GALNT13: variants seen among roughly 807,000 people sequenced by gnomAD.
GALNT13 encodes the protein polypeptide N-acetylgalactosaminyltransferase 13.
GALNT13 carries 28 observed loss-of-function variants against 64.2 expected under a neutral mutation model. The ratio of observed to expected loss-of-function variants is 0.44; its 90% CI spans 0.32 to 0.60. The LOEUF (loss-of-function observed/expected upper bound fraction) is 0.60, where lower values mean the gene tolerates loss of function less well. Ranked by LOEUF, GALNT13 falls within the 20% of genes least tolerant of loss-of-function variation. GALNT13 has a pLI of 0.05. For missense variants in GALNT13, 577 were observed against 669.8 expected (o/e 0.86, Z 1.53); for synonymous variants, 214 against 224.6 (o/e 0.95, Z 0.42).
At chr2:153,389,773 G>A in the GALNT13 span, among the ~76,000 whole-genome samples, 15 of 152,074 alleles carry the variant, frequency 9.9e-5, no homozygotes, top group African/African-American at 3.6e-4. Context: ...TGGGCTAGAG[G>A]CGAATACCTG....
At chr2:153,251,338 T>C in the GALNT13 span, among the ~76,000 whole-genome samples, 1 of 152,246 alleles carries the variant, frequency 6.6e-6, no homozygotes, top group African/African-American at 2.4e-5. Context: ...TTGTCAATTG[T>C]GTCTTTATCT....
At chr2:153,814,356 C>T in the GALNT13 span, among the ~76,000 whole-genome samples, 1 of 152,156 alleles carries the variant, frequency 6.6e-6, no homozygotes, top group African/African-American at 2.4e-5. Context: ...AGGAGAATGG[C>T]GTGAACCCGG....
intron 4 of GALNT13, among the ~76,000 whole-genome samples, chr2:154,233,806 A>T (rs1689053736): frequency 6.6e-6 from 1 of 152,154 alleles, no homozygotes; most frequent in Non-Finnish European, 1.5e-5. Context: ...GGACGGTCCC[A>T]GTTGTGCTTA....
chr2:153,752,149 T>G, the GALNT13 span, among the ~76,000 whole-genome samples: 1 of 151,992 alleles, frequency 6.6e-6, no homozygotes. Context: ...TGCTTTTAAA[T>G]TATTGTTATT....
At chr2:153,737,487 T>C in the GALNT13 span, among the ~76,000 whole-genome samples, 1 of 152,156 alleles carries the variant, frequency 6.6e-6, no homozygotes, top group Non-Finnish European at 1.5e-5. Context: ...ATTTTCATTG[T>C]GTAACATATA....
chr2:153,254,223 C>G, the GALNT13 span, among the ~76,000 whole-genome samples: 2 of 152,252 alleles, frequency 1.3e-5, no homozygotes, highest in African/African-American at 4.8e-5. Context: ...AGGAATTTAT[C>G]CATTTCTTCT....
intron 1 of GALNT13, among the ~76,000 whole-genome samples, chr2:153,895,946 T>C (rs570445399): frequency 6.6e-6 from 1 of 150,928 alleles, no homozygotes; most frequent in East Asian, 2.0e-4. Context: ...TAAAAAAAGA[T>C]ATTGTCACAC....
At chr2:154,179,305 TACTC>T (rs755973547) in intron 4 of GALNT13, among the ~76,000 whole-genome samples, 16 of 152,182 alleles carry the variant, frequency 1.1e-4, no homozygotes, top group Non-Finnish European at 1.9e-4. Flanking sequence ...ATATAGTAAA[TACTC>T]AATAAGTATT....
At chr2:153,972,216 A>G (rs941881203) in intron 3 of GALNT13, among the ~76,000 whole-genome samples, 1 of 152,056 alleles carries the variant, frequency 6.6e-6, no homozygotes, top group African/African-American at 2.4e-5. Context: ...AGTTTGTGGT[A>G]ATTTGTTTTG....
At chr2:153,932,691 A>C (rs1268518470) in intron 2 of GALNT13, among the ~76,000 whole-genome samples, 3 of 141,926 alleles carry the variant, frequency 2.1e-5, no homozygotes, top group Non-Finnish European at 3.0e-5. Context: ...GCAATGGTGC[A>C]ATCTTGGCTC....
chr2:153,161,862 C>G, the GALNT13 span, among the ~76,000 whole-genome samples: 1 of 152,116 alleles, frequency 6.6e-6, no homozygotes, highest in African/African-American at 2.4e-5. Context: ...GTTTCAACAC[C>G]TAACAAGGGT....
At chr2:153,640,781 A>G in the GALNT13 span, among the ~76,000 whole-genome samples, 2 of 152,070 alleles carry the variant, frequency 1.3e-5, no homozygotes, top group Admixed American at 6.6e-5. Context: ...GACTGTCCCA[A>G]AAAAAGTTTG....
At chr2:154,161,904 C>G (rs2105667596) in intron 4 of GALNT13, among the ~76,000 whole-genome samples, 1 of 152,050 alleles carries the variant, frequency 6.6e-6, no homozygotes, top group Middle Eastern at 3.4e-3. Flanking sequence ...CCTCAGCCAC[C>G]CGAGTAGCTG....
intron 9 of GALNT13, among the ~76,000 whole-genome samples, chr2:154,387,460 A>G (rs182617605): frequency 6.6e-6 from 1 of 152,234 alleles, no homozygotes; most frequent in African/African-American, 2.4e-5. Flanking sequence ...TGTCCTAGTT[A>G]TTTGAAAATA....
chr2:153,957,918 C>G (rs1421456368), intron 3 of GALNT13, among the ~76,000 whole-genome samples: 1 of 152,166 alleles, frequency 6.6e-6, no homozygotes, highest in Non-Finnish European at 1.5e-5. Context: ...GTCAACTTAA[C>G]AAACTCCTCT....
At chr2:153,486,969 C>T in the GALNT13 span, among the ~76,000 whole-genome samples, 1 of 152,164 alleles carries the variant, frequency 6.6e-6, no homozygotes, top group South Asian at 2.1e-4. Context: ...TGCAAGGAGG[C>T]ACAAAAGTTG....
chr2:153,484,482 A>G, the GALNT13 span, among the ~76,000 whole-genome samples: 1 of 152,234 alleles, frequency 6.6e-6, no homozygotes, highest in East Asian at 1.9e-4. Context: ...GAGTTTACAA[A>G]TTGAAATTTT....
the GALNT13 span, among the ~76,000 whole-genome samples, chr2:153,345,702 T>C: frequency 2.4e-5 from 3 of 125,746 alleles, no homozygotes; most frequent in African/African-American, 5.9e-5. Context: ...TTTCTTTCTT[T>C]CTCTTTCTCT....
the GALNT13 span, among the ~76,000 whole-genome samples, chr2:153,411,177 A>AT: frequency 0.16 from 17,437 of 112,252 alleles, 1,292 homozygotes; most frequent in Non-Finnish European, 0.2. Flanking sequence ...ATATATATAT[A>AT]TATTTTTTTT....
Sources: gnomAD v4.1 joint callset for allele counts (sites outside exome capture counted in the v4.1 genomes callset) on GRCh38, gnomAD v4.1.1 for gene constraint, MANE v1.5 for transcripts, NCBI Gene and HGNC (gene_info 2026-07-23, HGNC 2026-07-21) for gene names.